PDZRN3: variants seen among roughly 807,000 people sequenced by gnomAD.
PDZRN3 encodes E3 ubiquitin-protein ligase PDZRN3.
Under a neutral mutation model 85.7 loss-of-function variants are expected in PDZRN3, and 38 were observed. The ratio of observed to expected loss-of-function variants is 0.44; its 90% CI spans 0.34 to 0.58. The LOEUF is 0.58. Among genes scored for constraint, PDZRN3 ranks in the 20% least tolerant of loss-of-function variants. The pLI is 0.01. For missense variants in PDZRN3, 1,629 were observed against 1,506.4 expected (o/e 1.08, Z -1.35); for synonymous variants, 759 against 638.0 (o/e 1.19, Z -2.86).
At chr3:73,455,890 T>A (rs1250159504) in intron 3 of PDZRN3, among the ~76,000 whole-genome samples, 2 of 152,210 alleles carry the variant, frequency 1.3e-5, no homozygotes. Context: ...GGTAATTCCA[T>A]GTCCATGCAC....
intron 3 of PDZRN3, among the ~76,000 whole-genome samples, chr3:73,440,370 G>A (rs909990550): frequency 4.6e-5 from 7 of 152,250 alleles, no homozygotes; most frequent in East Asian, 3.9e-4. Context: ...CAACAGACCC[G>A]GAAACAGGCT....
chr3:73,431,865 G>C (rs1186895653), intron 3 of PDZRN3, among the ~76,000 whole-genome samples: 1 of 152,002 alleles, frequency 6.6e-6, no homozygotes, highest in Non-Finnish European at 1.5e-5. Flanking sequence ...TGTGTGTTTG[G>C]GGGTGGGGCT....
At chr3:73,437,527 AG>A (rs1185287569) in intron 3 of PDZRN3, among the ~76,000 whole-genome samples, 1 of 152,212 alleles carries the variant, frequency 6.6e-6, no homozygotes, top group African/African-American at 2.4e-5. Flanking sequence ...CTGCCTTACA[AG>A]GGTACTTTGG....
At chr3:73,527,015 AT>A (rs944873457) in intron 3 of PDZRN3, among the ~76,000 whole-genome samples, 2 of 151,804 alleles carry the variant, frequency 1.3e-5, no homozygotes, top group African/African-American at 2.4e-5. Flanking sequence ...CCCCCAGCTA[AT>A]TTTTTTTATT....
At chr3:73,479,467 AG>A (rs1390839079) in intron 3 of PDZRN3, among the ~76,000 whole-genome samples, 1 of 152,030 alleles carries the variant, frequency 6.6e-6, no homozygotes, top group East Asian at 1.9e-4. Flanking sequence ...AGGAATACCG[AG>A]GGGAGTCATC....
At chr3:73,474,426 T>A (rs1183619268) in intron 3 of PDZRN3, 1 of 1,195,216 alleles carries the variant, frequency 8.4e-7, no homozygotes, top group Non-Finnish European at 1.1e-6. Context: ...ATCTTATTCA[T>A]TAAAAAAGGT....
chr3:73,440,465 T>C (rs1200169466), intron 3 of PDZRN3, among the ~76,000 whole-genome samples: 1 of 152,194 alleles, frequency 6.6e-6, no homozygotes, highest in Non-Finnish European at 1.5e-5. Flanking sequence ...GGAGATTTGA[T>C]GCGCCTTGAT....
intron 3 of PDZRN3, among the ~76,000 whole-genome samples, chr3:73,448,345 G>T (rs2106836286): frequency 6.6e-6 from 1 of 152,314 alleles, no homozygotes; most frequent in Middle Eastern, 3.4e-3. Context: ...AGCATTAATG[G>T]TAAATGCTCA....
intron 3 of PDZRN3, among the ~76,000 whole-genome samples, chr3:73,418,077 T>A (rs1702127921): frequency 6.6e-6 from 1 of 152,118 alleles, no homozygotes; most frequent in Non-Finnish European, 1.5e-5. Context: ...AATAATGACA[T>A]CCTAAGATAT....
chr3:73,501,337 A>T (rs7651331), intron 3 of PDZRN3, among the ~76,000 whole-genome samples: 1 of 152,094 alleles, frequency 6.6e-6, no homozygotes, highest in Non-Finnish European at 1.5e-5. Flanking sequence ...GATGCCCTCC[A>T]TTCAGGATCT....
At chr3:73,543,655 C>T (rs768149850) in intron 3 of PDZRN3, among the ~76,000 whole-genome samples, 1 of 152,186 alleles carries the variant, frequency 6.6e-6, no homozygotes, top group Non-Finnish European at 1.5e-5. Flanking sequence ...CTGACAGATG[C>T]TAGAGCACGC....
chr3:73,472,335 T>TAAA (rs965975911), intron 3 of PDZRN3, among the ~76,000 whole-genome samples: 1 of 152,236 alleles, frequency 6.6e-6, no homozygotes, highest in Admixed American at 6.5e-5. Context: ...CAGACTCTTT[T>TAAA]AAATAGGCCT....
Position 73,389,008 on chromosome 3 carries a change from T to C in PDZRN3, c.1416+808A>G, listed in dbSNP as rs111886821. ...CTTCAGGTGTGAAGGTTTGGGTCAC[T>C]TCCCTAGGGCAAGCGATCCTGAGCA... On this transcript the variant is annotated intron_variant, in intron 7 of 9. Transcript: ENST00000263666. Among the ~76,000 whole-genome samples, 883 of 149,112 alleles carry C rather than the reference T, an allele frequency of 5.9e-3. 6 individuals are homozygous for C. Among genetic ancestry groups the C allele is most frequent in the Non-Finnish European group, 9.8e-3 (659 of 67,420 alleles).
intron 3 of PDZRN3, among the ~76,000 whole-genome samples, chr3:73,447,466 A>G (rs1483714350): frequency 6.6e-6 from 1 of 151,988 alleles, no homozygotes; most frequent in Non-Finnish European, 1.5e-5. Flanking sequence ...TCCTCCATAG[A>G]GCAGTCTACA....
At chr3:73,490,901 A>G (rs1331337735) in intron 3 of PDZRN3, among the ~76,000 whole-genome samples, 1 of 152,202 alleles carries the variant, frequency 6.6e-6, no homozygotes, top group Non-Finnish European at 1.5e-5. Context: ...GGCCAGAGAT[A>G]AGTGCAGGCA....
At chr3:73,501,475 TGAC>T (rs1703976480) in intron 3 of PDZRN3, among the ~76,000 whole-genome samples, 1 of 152,236 alleles carries the variant, frequency 6.6e-6, no homozygotes, top group South Asian at 2.1e-4. Context: ...TCACTCACCT[TGAC>T]GACTGCAGAC....
rs1701652355 is a variant in PDZRN3, at chr3:73,397,036, TTC to T, written c.1254+3884_1254+3885del. 9.4e-5 allele frequency among the ~76,000 whole-genome samples: 13 copies of T among 139,030 alleles called. No individual in the cohort carries two copies. The Admixed American group carries it at 9.9e-4, about 11-fold the overall frequency. 91.2% of individuals were successfully genotyped at this position (139,030 alleles called of 152,430 possible). ...TCTTTTATTTCTTTCTTCTTTTTCT[TTC>T]TTTTTTTTTTTTTGAGACAGAGTCT... On this transcript the variant is annotated intron_variant, in intron 5 of 9. Coordinates refer to ENST00000263666, the MANE Select transcript of PDZRN3 (RefSeq NM_015009.3).
chr3:73,427,783 T>C (rs2106792240), intron 3 of PDZRN3, among the ~76,000 whole-genome samples: 1 of 152,364 alleles, frequency 6.6e-6, no homozygotes. Context: ...TTACTAGTTA[T>C]GTGCCAGGAC....
intron 3 of PDZRN3, among the ~76,000 whole-genome samples, chr3:73,491,252 G>A (rs1168026737): frequency 6.6e-6 from 1 of 152,166 alleles, no homozygotes; most frequent in African/African-American, 2.4e-5. Flanking sequence ...TTCAGGGAGT[G>A]TACTAAGATT....
Sources: gnomAD v4.1 joint callset for allele counts (sites outside exome capture counted in the v4.1 genomes callset) on GRCh38, gnomAD v4.1.1 for gene constraint, MANE v1.5 for transcripts, NCBI Gene and HGNC (gene_info 2026-07-23, HGNC 2026-07-21) for gene names.